The following RP1L1 variants were observed in gnomAD, a reference collection of about 807,000 sequenced individuals.
RP1L1 encodes the protein RP1 like 1.
A neutral mutation model predicts 15.7 loss-of-function variants in RP1L1; 27 were observed. The observed-to-expected ratio is 1.72, with a 90% CI of 1.27 to 2.38. The LOEUF is 2.38. RP1L1 is among the 30% of genes most tolerant of loss of function. The pLI is 0.00. For missense variants in RP1L1, 4,798 were observed against 3,075.9 expected (o/e 1.56, Z -13.24); for synonymous variants, 1,813 against 1,276.7 (o/e 1.42, Z -8.96).
At chr8:10,620,410 A>G (rs1798039730) in intron 2 of RP1L1, among the ~76,000 whole-genome samples, 1 of 152,168 alleles carries the variant, frequency 6.6e-6, no homozygotes, top group African/African-American at 2.4e-5. Flanking sequence ...GTTCGAGACC[A>G]GCCTGGCCAA....
At position 10,612,770 on chromosome 8, in the gene RP1L1, G is replaced by A. The variant is rs777005307; in HGVS notation, c.1328C>T (p.Ala443Val). 1 of 1,609,348 alleles carries A rather than the reference G, an allele frequency of 6.2e-7. No homozygotes were observed. The highest frequency in any genetic ancestry group is 1.1e-5 in the South Asian group (1 of 91,074). ...GTCCTGGCTGCATCTCTCCCTCCCG[G>A]CAGTCCCGTGGCCCCACAGGCCACT... ...RCSGLWGHGT[A>V]GRERCSQDSA... is the part of the protein sequence containing the mutation. The change falls in exon 4 of 4, where the codon GCC (alanine) becomes GTC (valine). Residue 443 changes from alanine to valine, a missense_variant. Physicochemically the swap from Ala to Val is moderately conservative, Grantham distance 64 (BLOSUM62 0). Transcript: ENST00000382483.
At chr8:10,636,260 T>C (rs1798328364) in intron 1 of RP1L1, among the ~76,000 whole-genome samples, 1 of 152,146 alleles carries the variant, frequency 6.6e-6, no homozygotes, top group Admixed American at 6.5e-5. Context: ...TCTGGGGGCA[T>C]CTGGGGCCGG....
rs951737769 is a variant in RP1L1 at position 10,622,838 on chromosome 8, T to C, written c.364A>G (p.Arg122Gly). The change falls in exon 2 of 4, where the codon AGA (arginine) becomes GGA (glycine). Residue 122 changes from arginine to glycine, a missense_variant. By Grantham distance (125) the Arg-to-Gly change is moderately radical (BLOSUM62 -2). Transcript: ENST00000382483. ...TPSGPGRPQE[R>G]NPTAQQLRDV... is the part of the protein sequence containing the mutation. ...CGCAACTGCTGAGCAGTGGGGTTTCTCTCCTGTGGCCGGCCTGGTCCACTG... is the reference window on the plus strand; with the variant it reads ...CGCAACTGCTGAGCAGTGGGGTTTCCCTCCTGTGGCCGGCCTGGTCCACTG... The C allele has an allele frequency of 6.2e-7, 1 of 1,613,034 alleles. No homozygotes were observed. The highest frequency in any genetic ancestry group is 8.5e-7 in the Non-Finnish European group (1 of 1,179,340).
chr8:10,627,412 G>C (rs1394898798), intron 1 of RP1L1, among the ~76,000 whole-genome samples: 2 of 152,142 alleles, frequency 1.3e-5, no homozygotes, highest in African/African-American at 4.8e-5. Flanking sequence ...AATTCCACTT[G>C]TATGAGGTCC....
intron 1 of RP1L1, among the ~76,000 whole-genome samples, chr8:10,638,365 C>T (rs117574277): frequency 6.6e-6 from 1 of 152,108 alleles, no homozygotes; most frequent in Non-Finnish European, 1.5e-5. Flanking sequence ...ATGCTGGGGA[C>T]TCAAGGAGGA....
chr8:10,637,895 A>G (rs1229124423), intron 1 of RP1L1, among the ~76,000 whole-genome samples: 2 of 152,228 alleles, frequency 1.3e-5, no homozygotes, highest in Middle Eastern at 3.4e-3. Context: ...GATTTTCAGG[A>G]CTCTGTATCC....
chr8:10,608,646 C>CT lies in RP1L1; in HGVS notation c.5451dup (p.Ala1818SerfsTer6), dbSNP rs1563120927. On this transcript the variant is annotated frameshift_variant, in exon 4 of 4. Coordinates refer to ENST00000382483, the MANE Select transcript of RP1L1 (RefSeq NM_178857.6). LOFTEE classifies it low-confidence loss of function (END_TRUNC). The stretch of plus-strand genomic sequence containing the variant: ...GGATCTTGGTCACCTCCTGCCGCAG[C>CT]TTCACCCTGCAAGTTGTCCTCATGC... The CT allele has an allele frequency of 1.2e-6, 2 of 1,614,214 alleles. No homozygotes were observed.
At chr8:10,637,599 A>T (rs747742652) in intron 1 of RP1L1, among the ~76,000 whole-genome samples, 31 of 152,114 alleles carry the variant, frequency 2.0e-4, no homozygotes, top group Non-Finnish European at 3.2e-4. Context: ...TAAAATACAT[A>T]AAAAAATTAA....
chr8:10,646,461 G>T (rs2117264432), intron 1 of RP1L1, among the ~76,000 whole-genome samples: 1 of 152,256 alleles, frequency 6.6e-6, no homozygotes, highest in African/African-American at 2.4e-5. Flanking sequence ...TTAGGATTTT[G>T]CCCGTTATTG....
chr8:10,622,924 A>C lies in RP1L1; in HGVS notation c.278T>G (p.Leu93Arg), dbSNP rs1167786126. 6 of 1,613,982 alleles carry C rather than the reference A, an allele frequency of 3.7e-6. No homozygotes were observed. The highest frequency in any genetic ancestry group is 4.2e-6 in the Non-Finnish European group (5 of 1,179,968). Residue 93 changes from leucine to arginine, a missense_variant, in exon 2 of 4, where the codon CTG (leucine) becomes CGG (arginine). Physicochemically the swap from Leu to Arg is moderately radical, Grantham distance 102. Coordinates refer to ENST00000382483, the MANE Select transcript of RP1L1 (RefSeq NM_178857.6). ...GCAGCCTCCATCTTCCAGCTGCTCCAGGGCGCTGAGGCTATGCAGGCCCCG... is the reference window on the plus strand; with the variant it reads ...GCAGCCTCCATCTTCCAGCTGCTCCCGGGCGCTGAGGCTATGCAGGCCCCG... ...TPRGLHSLSA[L>R]EQLEDGGCYL...
rs767995792 is a variant in RP1L1, at chr8:10,607,259, G to A, written c.6839C>T (p.Pro2280Leu). 3.7e-6 allele frequency: 6 copies of A among 1,614,188 alleles called. No individual in the cohort carries two copies. The South Asian group carries it at 6.6e-5, about 18-fold the overall frequency. Residue 2280 changes from proline (P) to leucine (L), a missense_variant, in exon 4 of 4, where the codon CCC becomes CTC. Pro to Leu is a moderately conservative substitution (Grantham distance 98). Coordinates refer to ENST00000382483, the MANE Select transcript of RP1L1 (RefSeq NM_178857.6). ...GGGAGTGTCTCCACCTGGGGAAGGG[G>A]GTGGAGTGGGCCTGTCCTCAGGGAC... is the stretch of plus-strand genomic sequence containing the variant. Reference protein sequence around the residue: ...SPVPEDRPTPPPSPGGDTPHQ... With the variant: ...SPVPEDRPTPLPSPGGDTPHQ...
chr8:10,646,884 C>G (rs1319065372), intron 1 of RP1L1, among the ~76,000 whole-genome samples: 1 of 152,254 alleles, frequency 6.6e-6, no homozygotes, highest in African/African-American at 2.4e-5. Flanking sequence ...TTGTGTGTCC[C>G]CAGCTCTTAG....
intron 1 of RP1L1, among the ~76,000 whole-genome samples, chr8:10,631,263 G>A (rs969074646): frequency 2.5e-4 from 35 of 140,148 alleles, no homozygotes; most frequent in South Asian, 7.1e-4. Context: ...GCACACACAC[G>A]CACACAAACA....
At chr8:10,642,220 G>A (rs60448233) in intron 1 of RP1L1, among the ~76,000 whole-genome samples, 9,337 of 152,102 alleles carry the variant, frequency 0.061, 364 homozygotes, top group African/African-American at 0.11. Context: ...AGAGTGACAG[G>A]GATGTATGGT....
At position 10,622,990 on chromosome 8, in the gene RP1L1, C is replaced by A; in HGVS notation, c.212G>T (p.Arg71Leu). 6.2e-7 allele frequency: 1 copy of A among 1,614,092 alleles called. No homozygotes were observed. The highest frequency in any genetic ancestry group is 8.5e-7 in the Non-Finnish European group (1 of 1,180,018). The change falls in exon 2 of 4, where the codon CGC becomes CTC. Residue 71 changes from arginine (R) to leucine (L), a missense_variant. Arg to Leu is a moderately radical substitution (Grantham distance 102). Transcript: ENST00000382483. ...GCGCACCCCAAAGGAGAGAGGCACG[C>A]GCTGGGAGAGCTCGTCCATGAGGGC... is the stretch of plus-strand genomic sequence containing the variant. Reference protein sequence around the residue: ...FSALMDELSQRVPLSFGVRSV... With the variant: ...FSALMDELSQLVPLSFGVRSV...
intron 1 of RP1L1, among the ~76,000 whole-genome samples, chr8:10,637,508 G>A (rs1001656605): frequency 2.0e-5 from 3 of 152,180 alleles, no homozygotes; most frequent in African/African-American, 7.2e-5. Flanking sequence ...CTACTCTGGA[G>A]GCTGAGGCGG....
At chr8:10,625,462 C>A (rs1798141892) in intron 1 of RP1L1, among the ~76,000 whole-genome samples, 1 of 149,682 alleles carries the variant, frequency 6.7e-6, no homozygotes, top group Non-Finnish European at 1.5e-5. Context: ...GTGGTCCCTG[C>A]TCTCCACTCT....
At chr8:10,621,134 A>T (rs1388492517) in intron 2 of RP1L1, 1 of 152,490 alleles carries the variant, frequency 6.6e-6, no homozygotes, top group East Asian at 1.9e-4. Context: ...ATGGTGCTGG[A>T]CTACCTAAGT....
chr8:10,648,819 A>T (rs980051741), intron 1 of RP1L1, among the ~76,000 whole-genome samples: 1 of 152,226 alleles, frequency 6.6e-6, no homozygotes, highest in African/African-American at 2.4e-5. Context: ...GGAATCAGAC[A>T]TAATGTTCCC....
Sources: gnomAD v4.1 joint callset for allele counts (sites outside exome capture counted in the v4.1 genomes callset) on GRCh38, gnomAD v4.1.1 for gene constraint, MANE v1.5 for transcripts, NCBI Gene and HGNC (gene_info 2026-07-23, HGNC 2026-07-21) for gene names.